TRPM3: variants seen among roughly 807,000 people sequenced by gnomAD.
TRPM3 encodes transient receptor potential cation channel subfamily M member 3.
In TRPM3, 77 loss-of-function variants were observed where a neutral mutation model predicts 181.2. The observed-to-expected ratio is 0.42, with a 90% CI of 0.35 to 0.51. The LOEUF is 0.51. Among genes scored for constraint, TRPM3 ranks in the 20% least tolerant of loss-of-function variants. The probability of loss-of-function intolerance (pLI) is 0.01; values close to 1 mark genes in which losing one functional copy is unlikely to be tolerated. For missense variants in TRPM3, 1,759 were observed against 2,196.7 expected (o/e 0.80, Z 3.98); for synonymous variants, 745 against 796.4 (o/e 0.94, Z 1.09).
intron 1 of TRPM3, among the ~76,000 whole-genome samples, chr9:71,407,204 G>A (rs2010318): frequency 0.4 from 60,780 of 151,986 alleles, 14,331 homozygotes; most frequent in Non-Finnish European, 0.52. Flanking sequence ...CTGAGGTACC[G>A]GGTTCATCTC....
chr9:70,993,601 T>C (rs2097510295), intron 1 of TRPM3, among the ~76,000 whole-genome samples: 1 of 151,908 alleles, frequency 6.6e-6, no homozygotes, highest in Non-Finnish European at 1.5e-5. Flanking sequence ...TCTGGAGTTC[T>C]GAATAAAGGT....
At chr9:70,546,338 A>G (rs183574913) in intron 25 of TRPM3, among the ~76,000 whole-genome samples, 122 of 152,242 alleles carry the variant, frequency 8.0e-4, no homozygotes, top group Non-Finnish European at 1.5e-3. Context: ...AGTGACAGAA[A>G]CTCTAGGGGT....
intron 1 of TRPM3, among the ~76,000 whole-genome samples, chr9:70,878,094 T>A (rs756945083): frequency 1.3e-5 from 2 of 152,086 alleles, no homozygotes; most frequent in Non-Finnish European, 2.9e-5. Context: ...TATTTGTGTG[T>A]ATGTATCTTA....
chr9:71,219,725 C>A (rs2080113956), intron 1 of TRPM3, among the ~76,000 whole-genome samples: 1 of 152,102 alleles, frequency 6.6e-6, no homozygotes, highest in Non-Finnish European at 1.5e-5. Context: ...GCGTTCAGAA[C>A]CAGGGCCAAT....
At chr9:71,156,151 G>A (rs1433768321) in intron 1 of TRPM3, among the ~76,000 whole-genome samples, 1 of 151,946 alleles carries the variant, frequency 6.6e-6, no homozygotes. Flanking sequence ...GACCTAATAG[G>A]TAGACTTAGT....
chr9:71,323,726 C>G (rs557252151), intron 1 of TRPM3, among the ~76,000 whole-genome samples: 7 of 151,938 alleles, frequency 4.6e-5, no homozygotes, highest in African/African-American at 9.7e-5. Context: ...TATGGGCAAG[C>G]AAAAGAAACC....
intron 1 of TRPM3, among the ~76,000 whole-genome samples, chr9:71,050,910 G>C (rs907772264): frequency 6.6e-6 from 1 of 152,194 alleles, no homozygotes; most frequent in Non-Finnish European, 1.5e-5. Flanking sequence ...AATGGGAGGG[G>C]AGAAGGACTG....
intron 1 of TRPM3, among the ~76,000 whole-genome samples, chr9:71,325,778 T>A (rs1297572392): frequency 6.6e-6 from 1 of 151,814 alleles, no homozygotes; most frequent in East Asian, 1.9e-4. Flanking sequence ...ACACACAAAG[T>A]GACGAAGGCT....
intron 1 of TRPM3, among the ~76,000 whole-genome samples, chr9:70,887,135 C>T (rs2096101184): frequency 6.6e-6 from 1 of 152,146 alleles, no homozygotes; most frequent in African/African-American, 2.4e-5. Flanking sequence ...TCTCTGCACA[C>T]AGGTTACCTG....
chr9:71,417,278 A>G (rs1238677461), intron 1 of TRPM3, among the ~76,000 whole-genome samples: 1 of 151,986 alleles, frequency 6.6e-6, no homozygotes, highest in East Asian at 1.9e-4. Context: ...GTGAGTTTCA[A>G]TTGTTCCACA....
intron 1 of TRPM3, among the ~76,000 whole-genome samples, chr9:71,212,783 A>C (rs184352453): frequency 7.2e-5 from 11 of 152,360 alleles, no homozygotes; most frequent in Admixed American, 7.2e-4. Context: ...TTTTAATATT[A>C]AAATGACTTG....
At chr9:70,689,045 A>T (rs1031978187) in intron 8 of TRPM3, among the ~76,000 whole-genome samples, 5 of 152,212 alleles carry the variant, frequency 3.3e-5, no homozygotes, top group Non-Finnish European at 7.3e-5. Flanking sequence ...AGTACATTCA[A>T]CACAAGAATG....
chr9:70,670,592 T>G (rs1358841104), intron 9 of TRPM3, among the ~76,000 whole-genome samples: 3 of 152,240 alleles, frequency 2.0e-5, no homozygotes, highest in African/African-American at 7.2e-5. Flanking sequence ...CTCACATGTA[T>G]GCTAGAGGTT....
Position 71,241,875 on chromosome 9 carries a change from A to G in TRPM3, c.183+204778T>C, listed in dbSNP as rs371272561. ...TAATGTAGACTTTGTGCAAATTAAT[A>G]TCCCTTCTAATTATTCCTAGGCAAA... On this transcript the variant is annotated intron_variant, in intron 1 of 24. Coordinates refer to the TRPM3 transcript ENST00000357533. 8.5e-5 allele frequency among the ~76,000 whole-genome samples: 13 copies of G among 152,368 alleles called. No homozygotes were observed. The East Asian group carries it at 1.7e-3, about 20-fold the overall frequency.
chr9:70,826,203 A>G (rs2093547374), intron 6 of TRPM3: 1 of 152,242 alleles, frequency 6.6e-6, no homozygotes, highest in Admixed American at 6.5e-5. Flanking sequence ...ACCTAAATAG[A>G]TAACACTGAT....
chr9:71,118,908 C>T (rs192206687), intron 1 of TRPM3, among the ~76,000 whole-genome samples: 2 of 152,048 alleles, frequency 1.3e-5, no homozygotes, highest in Non-Finnish European at 1.5e-5. Flanking sequence ...GAGCATTTAC[C>T]AAAACATGCA....
rs138682538 is a variant in TRPM3 at position 70,616,832 on chromosome 9, C to A, written c.2359-757G>T. ...TAAATCTATGCAAGGACACTAAATA[C>A]GGAAGCCTTTCTTCTGAGAGGGCGG... On this transcript the variant is annotated intron_variant, in intron 17 of 25. Coordinates refer to ENST00000677713, the MANE Select transcript of TRPM3 (RefSeq NM_001366145.2). 2.8e-4 allele frequency among the ~76,000 whole-genome samples: 42 copies of A among 152,246 alleles called. 1 individual carries two copies. The highest frequency in any genetic ancestry group is 9.1e-4 in the African/African-American group (38 of 41,546).
intron 1 of TRPM3, among the ~76,000 whole-genome samples, chr9:70,939,707 G>T (rs550333166): frequency 6.6e-6 from 1 of 152,306 alleles, no homozygotes; most frequent in East Asian, 1.9e-4. Context: ...TGAATTGAGT[G>T]CTGAATTAGG....
intron 1 of TRPM3, among the ~76,000 whole-genome samples, chr9:71,404,214 G>T (rs1376901885): frequency 6.6e-6 from 1 of 152,156 alleles, no homozygotes; most frequent in Non-Finnish European, 1.5e-5. Flanking sequence ...ATAAGTAGCA[G>T]CTCAATAATA....
Sources: gnomAD v4.1 joint callset for allele counts (sites outside exome capture counted in the v4.1 genomes callset) on GRCh38, gnomAD v4.1.1 for gene constraint, MANE v1.5 for transcripts, NCBI Gene and HGNC (gene_info 2026-07-23, HGNC 2026-07-21) for gene names.